ELP3: variants seen among roughly 807,000 people sequenced by gnomAD.
ELP3 encodes the protein elongator complex protein 3.
A neutral mutation model predicts 74.9 loss-of-function variants in ELP3; 56 were observed. That is an observed-to-expected ratio of 0.75 (90% CI 0.60 to 0.93). The LOEUF (loss-of-function observed/expected upper bound fraction) is 0.93. ELP3 is among the 40% of genes least tolerant of loss of function. ELP3 has a pLI of 0.00. For synonymous variants in ELP3, 222 were observed against 239.8 expected, an observed-to-expected ratio of 0.93 and a Z score of 0.68; for missense variants, 573 against 686.5, an observed-to-expected ratio of 0.83 and a Z score of 1.85.
chr8:28,130,622 A>G (rs1812753196), intron 8 of ELP3, among the ~76,000 whole-genome samples: 1 of 152,214 alleles, frequency 6.6e-6, no homozygotes, highest in Admixed American at 6.5e-5. Context: ...AACCAGGGAA[A>G]CTGTGGAGTG....
At chr8:28,160,203 A>G (rs959968483) in intron 12 of ELP3, 26 bp from the exon 13 acceptor site, 10 of 1,590,798 alleles carry the variant, frequency 6.3e-6, no homozygotes, top group Non-Finnish European at 7.7e-6. Context: ...TTTGAATAAT[A>G]TTTTTTGTGG....
chr8:28,170,812 G>A (rs542827573), intron 14 of ELP3, among the ~76,000 whole-genome samples: 3 of 152,138 alleles, frequency 2.0e-5, no homozygotes, highest in East Asian at 1.9e-4. Flanking sequence ...AGTGTTGTAC[G>A]ACCATCACCA....
At chr8:28,186,979 A>G (rs182813205) in intron 14 of ELP3, among the ~76,000 whole-genome samples, 5 of 152,290 alleles carry the variant, frequency 3.3e-5, no homozygotes, top group African/African-American at 1.2e-4. Flanking sequence ...GCATCTTGGC[A>G]TGAATGTCTA....
chr8:28,130,086 A>G (rs1812732993), intron 8 of ELP3, among the ~76,000 whole-genome samples: 1 of 152,252 alleles, frequency 6.6e-6, no homozygotes, highest in Non-Finnish European at 1.5e-5. Flanking sequence ...TGGTGATGCC[A>G]TGGTTGTAAA....
At position 28,106,539 on chromosome 8, in the gene ELP3, CAAAAAAAAAAAAAA is replaced by C. The variant is rs61714722; in HGVS notation, c.259-159_259-146del. Among the ~76,000 whole-genome samples the C allele has an allele frequency of 4.7e-3, 528 of 112,698 alleles. 7 individuals carry two copies. Among genetic ancestry groups the C allele is most frequent in the African/African-American group, 7.3e-3 (245 of 33,500 alleles). The allele number at this position is 112,698 out of a possible 152,430, so 73.9% of individuals were successfully genotyped here. A position where few individuals can be genotyped will look rare whatever the true frequency, so the allele number is the denominator to read the frequency against. On this transcript the variant is annotated intron_variant, in intron 3 of 14. Coordinates refer to ENST00000256398, the MANE Select transcript of ELP3 (RefSeq NM_018091.6). ...TGGGCGACAGAGCGAGACTCCGTCT[CAAAAAAAAAAAAAA>C]AAAAAAAAAAAAAAGAAATACAGCC...
At chr8:28,142,328 C>T (rs538642061) in intron 10 of ELP3, among the ~76,000 whole-genome samples, 10 of 152,298 alleles carry the variant, frequency 6.6e-5, no homozygotes, top group Middle Eastern at 3.4e-3. Flanking sequence ...TTACACTTAT[C>T]CTATGGAGAA....
At chr8:28,101,137 G>A (rs1431165856) in intron 3 of ELP3, among the ~76,000 whole-genome samples, 2 of 152,036 alleles carry the variant, frequency 1.3e-5, no homozygotes, top group Non-Finnish European at 1.5e-5. Flanking sequence ...AAGCTTGTTA[G>A]CCAGGCACGG....
intron 11 of ELP3, 106 bp downstream of exon 11, chr8:28,156,138 G>A: frequency 2.3e-6 from 2 of 853,686 alleles, no homozygotes; most frequent in Non-Finnish European, 1.9e-6. Flanking sequence ...TGCGGGTCAG[G>A]TCAGAAAGCT....
At chr8:28,159,536 C>T (rs13275542) in intron 12 of ELP3, among the ~76,000 whole-genome samples, 43 of 152,194 alleles carry the variant, frequency 2.8e-4, no homozygotes, top group South Asian at 1.9e-3. Flanking sequence ...TTTCTCTGTG[C>T]GTGCAATATT....
At chr8:28,150,317 T>A (rs1344313677) in intron 10 of ELP3, among the ~76,000 whole-genome samples, 1 of 152,242 alleles carries the variant, frequency 6.6e-6, no homozygotes, top group Non-Finnish European at 1.5e-5. Flanking sequence ...TCTCTTTATG[T>A]AGGTCTGAGT....
At chr8:28,130,694 T>C (rs1188781793) in intron 8 of ELP3, among the ~76,000 whole-genome samples, 2 of 152,044 alleles carry the variant, frequency 1.3e-5, no homozygotes, top group African/African-American at 4.8e-5. Context: ...AGGGGGAGCT[T>C]TCTGAAGAAT....
In ELP3 at chr8:28,106,464, C is replaced by T. The variant is rs564977681; in HGVS notation, c.259-249C>T. Reference sequence around the variant, plus strand: ...CTGAGGCAGGAGAATGGCGTGAACCCGGGAGGCGGAGCTTGCAGTGAGCCG... The same window carrying T: ...CTGAGGCAGGAGAATGGCGTGAACCTGGGAGGCGGAGCTTGCAGTGAGCCG... On this transcript the variant is annotated intron_variant, in intron 3 of 14. Coordinates refer to ENST00000256398, the MANE Select transcript of ELP3 (RefSeq NM_018091.6). Among the ~76,000 whole-genome samples the T allele has an allele frequency of 5.7e-3, 825 of 145,954 alleles. 4 individuals carry two copies. Among genetic ancestry groups the T allele is most frequent in the Non-Finnish European group, 9.2e-3 (610 of 66,478 alleles).
chr8:28,156,578 AG>A (rs1813837020), intron 11 of ELP3, among the ~76,000 whole-genome samples: 1 of 152,200 alleles, frequency 6.6e-6, no homozygotes, highest in African/African-American at 2.4e-5. Context: ...CTTAAGTCAT[AG>A]GAAGGTTTAA....
Position 28,189,987 on chromosome 8 carries a change from T to A in ELP3, c.*262T>A. On this transcript the variant is annotated 3_prime_UTR_variant, in exon 15 of 15. Transcript: ENST00000256398. ...AATCATCTATCCAGTTTCTACATTTTGCATGAGGCCTGCAGGTGGCCTATT... is the reference window on the plus strand; with the variant it reads ...AATCATCTATCCAGTTTCTACATTTAGCATGAGGCCTGCAGGTGGCCTATT... 2.7e-6 allele frequency: 1 copy of A among 375,930 alleles called. No homozygotes were observed. The highest frequency in any genetic ancestry group is 4.6e-5 in the South Asian group (1 of 21,796). The allele number at this position is 375,930 out of a possible 1,614,324, so 23.3% of individuals were successfully genotyped here.
intron 14 of ELP3, among the ~76,000 whole-genome samples, chr8:28,173,014 T>A (rs1563287648): frequency 1.3e-5 from 2 of 152,088 alleles, no homozygotes; most frequent in African/African-American, 4.8e-5. Flanking sequence ...CCTTTTAATA[T>A]GCTGGTAAAT....
At chr8:28,148,364 T>G (rs78817492) in intron 10 of ELP3, among the ~76,000 whole-genome samples, 3,798 of 152,164 alleles carry the variant, frequency 0.025, 180 homozygotes, top group African/African-American at 0.087. Flanking sequence ...ATGGTGTAGA[T>G]AGCCGGCAGA....
rs981090593 is a variant in ELP3, at chr8:28,189,904, C to T, written c.*179C>T. On this transcript the variant is annotated 3_prime_UTR_variant, in exon 15 of 15. Coordinates refer to ENST00000256398, the MANE Select transcript of ELP3 (RefSeq NM_018091.6). ...ACGGCTGGTCATCTGCTGACCACAC[C>T]CCAGATCCGCCCTCTCCTGCGTGCA... 10 of 589,586 alleles carry T rather than the reference C, an allele frequency of 1.7e-5. No individual in the cohort carries two copies. Among genetic ancestry groups the T allele is most frequent in the Admixed American group, 3.1e-5 (1 of 32,114 alleles). The allele number at this position is 589,586 out of a possible 1,614,324, so 36.5% of individuals were successfully genotyped here.
chr8:28,105,119 C>G (rs1458775321), intron 3 of ELP3, among the ~76,000 whole-genome samples: 1 of 152,034 alleles, frequency 6.6e-6, no homozygotes, highest in African/African-American at 2.4e-5. Flanking sequence ...TGGTGGCTCA[C>G]GCCTGTAATC....
chr8:28,143,638 G>A (rs750801482), intron 10 of ELP3, among the ~76,000 whole-genome samples: 3 of 152,004 alleles, frequency 2.0e-5, no homozygotes, highest in Admixed American at 1.3e-4. Context: ...TAAACTGTTC[G>A]CCTTGTTAGA....
Sources: gnomAD v4.1 joint callset for allele counts (sites outside exome capture counted in the v4.1 genomes callset) on GRCh38, gnomAD v4.1.1 for gene constraint, MANE v1.5 for transcripts, NCBI Gene and HGNC (gene_info 2026-07-23, HGNC 2026-07-21) for gene names.